Variants in CNIH3 observed in about 807,000 individuals in gnomAD.
CNIH3 encodes the protein cornichon family AMPA receptor auxiliary protein 3, also known as protein cornichon homolog 3.
Under a neutral mutation model 24.1 loss-of-function variants are expected in CNIH3, and 14 were observed. The observed-to-expected ratio is 0.58, with a 90% CI of 0.38 to 0.91. The LOEUF is 0.91. Ranked by LOEUF, CNIH3 falls within the 40% of genes least tolerant of loss-of-function variation. The pLI is 0.00. For synonymous variants in CNIH3, 68 were observed against 73.8 expected (o/e 0.92, Z 0.40); for missense variants, 178 against 196.8 (o/e 0.90, Z 0.57).
At chr1:224,444,534 G>A (rs1411708885) in intron 1 of CNIH3, among the ~76,000 whole-genome samples, 1 of 151,798 alleles carries the variant, frequency 6.6e-6, no homozygotes, top group Non-Finnish European at 1.5e-5. Context: ...ATTTTCAGTA[G>A]AGGCGGGGTT....
intron 3 of CNIH3, among the ~76,000 whole-genome samples, chr1:224,552,195 A>C (rs1396559281): frequency 6.6e-6 from 1 of 151,508 alleles, no homozygotes; most frequent in South Asian, 2.1e-4. Context: ...TGTCTCCCTG[A>C]GATATTACCA....
At chr1:224,599,893 T>C (rs1682137016) in intron 3 of CNIH3, among the ~76,000 whole-genome samples, 1 of 152,222 alleles carries the variant, frequency 6.6e-6, no homozygotes, top group African/African-American at 2.4e-5. Flanking sequence ...GAATATAAAA[T>C]TTCTAAACTC....
At chr1:224,737,929 T>C (rs1689678036) in intron 5 of CNIH3, among the ~76,000 whole-genome samples, 2 of 152,234 alleles carry the variant, frequency 1.3e-5, no homozygotes, top group African/African-American at 2.4e-5. Context: ...GTGAGCCCAG[T>C]GTGAACAGTG....
chr1:224,683,621 A>G (rs1413612652), intron 2 of CNIH3, among the ~76,000 whole-genome samples: 1 of 152,258 alleles, frequency 6.6e-6, no homozygotes, highest in African/African-American at 2.4e-5. Flanking sequence ...GATGCCCTGA[A>G]GCTCTCAATA....
chr1:224,583,709 A>G (rs1166557247), intron 5 of CNIH3, among the ~76,000 whole-genome samples: 1 of 152,184 alleles, frequency 6.6e-6, no homozygotes, highest in Non-Finnish European at 1.5e-5. Context: ...GGTCTGTTGT[A>G]GAGCCTATGG....
At chr1:224,562,089 T>C (rs1680398239) in intron 3 of CNIH3, among the ~76,000 whole-genome samples, 1 of 152,224 alleles carries the variant, frequency 6.6e-6, no homozygotes, top group African/African-American at 2.4e-5. Context: ...ACTATTTCTA[T>C]GCTAATTAAG....
intron 1 of CNIH3, among the ~76,000 whole-genome samples, chr1:224,476,041 A>G (rs539982332): frequency 1.6e-3 from 251 of 152,242 alleles, no homozygotes; most frequent in Non-Finnish European, 2.0e-3. Flanking sequence ...AAAAAATTCA[A>G]CATCCCTTCA....
downstream of CNIH3, among the ~76,000 whole-genome samples, chr1:224,590,133 C>A (rs935743450): frequency 1.3e-5 from 2 of 152,108 alleles, no homozygotes; most frequent in South Asian, 2.1e-4. Context: ...CCTCAGCCTC[C>A]CAAAGTGGTA....
chr1:224,456,818 C>G (rs921040162), intron 1 of CNIH3, among the ~76,000 whole-genome samples: 1 of 152,232 alleles, frequency 6.6e-6, no homozygotes, highest in Admixed American at 6.5e-5. Context: ...TTGCACAAGG[C>G]CTTGTCGTAA....
chr1:224,525,511 A>G (rs1375189019), intron 2 of CNIH3, among the ~76,000 whole-genome samples: 1 of 152,228 alleles, frequency 6.6e-6, no homozygotes, highest in Admixed American at 6.5e-5. Flanking sequence ...GTGAATTTCC[A>G]GCTGAGCCAG....
intron 1 of CNIH3, among the ~76,000 whole-genome samples, chr1:224,643,669 G>C (rs1684467625): frequency 6.6e-6 from 1 of 152,192 alleles, no homozygotes; most frequent in African/African-American, 2.4e-5. Context: ...TGAAGGGTGA[G>C]AATAATGGGA....
chr1:224,707,395 A>G (rs1030303242), intron 3 of CNIH3, among the ~76,000 whole-genome samples: 2 of 152,084 alleles, frequency 1.3e-5, no homozygotes, highest in Non-Finnish European at 2.9e-5. Flanking sequence ...TCAAATAACG[A>G]ATTCTGTACT....
In CNIH3 at chr1:224,666,296, C is replaced by A. The variant is rs1276181952; in HGVS notation, c.82-14662C>A. ...AGGTGTTAATGGGCTGTGAAATAAT[C>A]CATCCTGCTTTCTGACTGCCCTTGG... On this transcript the variant is annotated intron_variant, in intron 1 of 5. Coordinates refer to ENST00000272133, the MANE Select transcript of CNIH3 (RefSeq NM_152495.2). Among the ~76,000 whole-genome samples the A allele has an allele frequency of 2.0e-5, 3 of 152,134 alleles. No homozygotes were observed. The East Asian group carries it at 5.8e-4, about 29-fold the overall frequency.
At chr1:224,586,776 G>A (rs1434365640) in intron 5 of CNIH3, among the ~76,000 whole-genome samples, 1 of 152,118 alleles carries the variant, frequency 6.6e-6, no homozygotes, top group African/African-American at 2.4e-5. Context: ...TCCAATGACT[G>A]GTGTCCTTAT....
intron 3 of CNIH3, among the ~76,000 whole-genome samples, chr1:224,609,931 C>A (rs1026973643): frequency 1.3e-5 from 2 of 152,138 alleles, no homozygotes; most frequent in African/African-American, 4.8e-5. Flanking sequence ...AGACAGTCCC[C>A]GACTTATGAC....
At chr1:224,585,477 C>CTTTT (rs200807437) in intron 5 of CNIH3, among the ~76,000 whole-genome samples, 4 of 145,262 alleles carry the variant, frequency 2.8e-5, no homozygotes, top group African/African-American at 1.0e-4. Flanking sequence ...TTCTTTTATT[C>CTTTT]TTTTTTTTTT....
At chr1:224,655,350 A>T (rs1472163760) in intron 1 of CNIH3, among the ~76,000 whole-genome samples, 1 of 152,134 alleles carries the variant, frequency 6.6e-6, no homozygotes, top group Non-Finnish European at 1.5e-5. Context: ...GGAAGGCCAG[A>T]TGGTGCATTC....
chr1:224,582,856 G>A (rs1418416237), intron 4 of CNIH3, among the ~76,000 whole-genome samples: 1 of 152,170 alleles, frequency 6.6e-6, no homozygotes, highest in Non-Finnish European at 1.5e-5. Context: ...TGCCTTTGTT[G>A]ATTCACTTAT....
intron 1 of CNIH3, among the ~76,000 whole-genome samples, chr1:224,466,843 T>C (rs1242558678): frequency 6.6e-6 from 1 of 152,220 alleles, no homozygotes; most frequent in Non-Finnish European, 1.5e-5. Context: ...CCCTAATCAC[T>C]GAGGTTGAAC....
Sources: gnomAD v4.1 joint callset for allele counts (sites outside exome capture counted in the v4.1 genomes callset) on GRCh38, gnomAD v4.1.1 for gene constraint, MANE v1.5 for transcripts, NCBI Gene and HGNC (gene_info 2026-07-23, HGNC 2026-07-21) for gene names.